Variants in DDX39B observed in about 807,000 individuals in gnomAD.
The protein encoded by DDX39B is DExD-box helicase 39B.
DDX39B carries 6 observed loss-of-function variants against 46.4 expected under a neutral mutation model. The ratio of observed to expected loss-of-function variants is 0.13; its 90% CI spans 0.07 to 0.26. The LOEUF (loss-of-function observed/expected upper bound fraction) is 0.26. Among genes scored for constraint, DDX39B ranks in the 10% least tolerant of loss-of-function variants. DDX39B has a pLI of 1.00. For missense variants in DDX39B, 185 were observed against 553.4 expected (o/e 0.33, Z 6.68); for synonymous variants, 174 against 199.4 (o/e 0.87, Z 1.07).
chr6:31,541,817 T>C, intron 1 of DDX39B, 133 bp downstream of exon 1: 3 of 658,930 alleles, frequency 4.6e-6, no homozygotes, highest in Non-Finnish European at 8.4e-6. Context: ...GGATGCAAGC[T>C]AAGGAAATAG....
chr6:31,541,655 G>A (rs2239526), intron 1 of DDX39B: 370,594 of 490,630 alleles, frequency 0.76, 141,169 homozygotes, highest in East Asian at 0.83. Context: ...GACGCCGAGC[G>A]CCGCCTCTCA....
At chr6:31,538,969 G>T in intron 3 of DDX39B, 114 bp from the exon 4 acceptor site, 1 of 1,466,318 alleles carries the variant, frequency 6.8e-7, no homozygotes, top group Non-Finnish European at 9.6e-7. Context: ...CTTCAATTAT[G>T]TGATCTAAAT....
intron 4 of DDX39B, among the ~76,000 whole-genome samples, chr6:31,538,316 C>T (rs1042901761): frequency 1.3e-4 from 20 of 152,176 alleles, no homozygotes; most frequent in Non-Finnish European, 2.4e-4. Flanking sequence ...CCACCATGCA[C>T]GGCTAATTTT....
intron 3 of DDX39B, 56 bp downstream of exon 3, chr6:31,539,091 C>A: frequency 6.2e-7 from 1 of 1,613,368 alleles, no homozygotes; most frequent in Non-Finnish European, 8.5e-7. Flanking sequence ...GACAAAAACA[C>A]CCTTCCCTTA....
Position 31,530,367 on chromosome 6 carries a change from C to A in DDX39B, c.*67G>T. ...GTCAGGGGTGGGGGCAGTAGTGTCT[C>A]CTTCACCCCCACCCTGGTGTCCTCT... On this transcript the variant is annotated 3_prime_UTR_variant, in exon 11 of 11. Coordinates refer to ENST00000396172, the MANE Select transcript of DDX39B (RefSeq NM_004640.7). This position sits in a 1 kb window ranked among gnomAD's most constrained non-coding sequence, Gnocchi z 4.5. 6.2e-7 allele frequency: 1 copy of A among 1,600,032 alleles called. No individual in the cohort carries two copies.
At position 31,531,422 on chromosome 6, in the gene DDX39B, TGGGGG is replaced by T; in HGVS notation, c.868-22_868-18del. The T allele has an allele frequency of 6.2e-7, 1 of 1,606,744 alleles. No homozygotes were observed. Among genetic ancestry groups the T allele is most frequent in the Non-Finnish European group, 8.5e-7 (1 of 1,175,106 alleles). ...GATCACCACCTGTTGTGGGGTGGGG[TGGGGG>T]GTCGCAAATTGGGGGAATAGGGGTC... On this transcript the variant is annotated intron_variant, in intron 7 of 10. Transcript: ENST00000396172. The surrounding 1 kb of genome is among the most constrained non-coding windows in gnomAD (Gnocchi z 5.8).
At position 31,536,551 on chromosome 6, in the gene DDX39B, G is replaced by A; in HGVS notation, c.565C>T (p.His189Tyr). The A allele has an allele frequency of 6.2e-7, 1 of 1,613,264 alleles. No individual in the cohort carries two copies. Among genetic ancestry groups the A allele is most frequent in the Non-Finnish European group, 8.5e-7 (1 of 1,180,042 alleles). ...TCATCCAAAATAAAGTGTTTAATGTGTTTGAGGTTGAGGCTCTTATTTCGA... is the reference window on the plus strand; with the variant it reads ...TCATCCAAAATAAAGTGTTTAATGTATTTGAGGTTGAGGCTCTTATTTCGA... Reference protein sequence around the residue: ...LARNKSLNLKHIKHFILDECD... With the variant: ...LARNKSLNLKYIKHFILDECD... The change falls in exon 5 of 11, where the codon CAC becomes TAC. Residue 189 changes from histidine to tyrosine, a missense_variant. By Grantham distance (83) the His-to-Tyr change is moderately conservative. Coordinates refer to ENST00000396172, the MANE Select transcript of DDX39B (RefSeq NM_004640.7).
intron 1 of DDX39B, 149 bp from the exon 2 acceptor site, chr6:31,540,813 T>G (rs370413489): frequency 1.3e-5 from 7 of 520,174 alleles, no homozygotes; most frequent in African/African-American, 7.8e-5. Context: ...AAAGCAAATA[T>G]AACAGAACAG....
intron 5 of DDX39B, chr6:31,536,269 A>G (rs111289250): frequency 4.6e-6 from 3 of 652,442 alleles, no homozygotes; most frequent in African/African-American, 3.6e-5. Flanking sequence ...TAAAATTATC[A>G]AAGTCCCCTA....
rs1435927377 is a variant in DDX39B, at chr6:31,540,299, T to G, written c.211+23A>C. 4 of 1,612,474 alleles carry G rather than the reference T, an allele frequency of 2.5e-6. No individual in the cohort carries two copies. The East Asian group carries it at 8.9e-5, about 36-fold the overall frequency. ...TACCCTTAAAGAGCCCAATGAGCACTACATGCCCAAGAGAAAATTTACCTT... is the reference window on the plus strand; with the variant it reads ...TACCCTTAAAGAGCCCAATGAGCACGACATGCCCAAGAGAAAATTTACCTT... On this transcript the variant is annotated intron_variant, in intron 2 of 10. Coordinates refer to ENST00000396172, the MANE Select transcript of DDX39B (RefSeq NM_004640.7).
Position 31,534,994 on chromosome 6 carries a change from C to T in DDX39B, c.735+373G>A, listed in dbSNP as rs887859004. 1.2e-4 allele frequency: 37 copies of T among 298,228 alleles called. No homozygotes were observed. The highest frequency in any genetic ancestry group is 5.2e-5 in the Non-Finnish European group (8 of 153,236). The allele number at this position is 298,228 out of a possible 1,614,324, so 18.5% of individuals were successfully genotyped here. A position where few individuals can be genotyped will look rare whatever the true frequency, so the allele number is the denominator to read the frequency against. The stretch of plus-strand genomic sequence containing the variant: ...GAGCAGAAGGCTCCAGCTGTACGCT[C>T]GATGCCACCTTGAGGGTGCGTGGCT... On this transcript the variant is annotated intron_variant, in intron 6 of 10. Coordinates refer to ENST00000396172, the MANE Select transcript of DDX39B (RefSeq NM_004640.7). This position sits in a 1 kb window ranked among gnomAD's most constrained non-coding sequence, Gnocchi z 5.1.
At position 31,535,489 on chromosome 6, in the gene DDX39B, CAAG is replaced by C. The variant is rs773279301; in HGVS notation, c.617-7_617-5del. The C allele has an allele frequency of 1.2e-5, 20 of 1,606,762 alleles. No individual in the cohort carries two copies. In the East Asian group the frequency reaches 2.0e-4, roughly 16 times the overall value. ...TCCTGGACATCCCGACGCATGTCTA[CAAG>C]AACAAGGAAAAAAATTGTAGGAGAA... On this transcript the variant is annotated splice_polypyrimidine_tract_variant and splice_region_variant and intron_variant, in intron 5 of 10. Coordinates refer to ENST00000396172, the MANE Select transcript of DDX39B (RefSeq NM_004640.7). This position sits in a 1 kb window ranked among gnomAD's most constrained non-coding sequence, Gnocchi z 4.6.
rs746273190 is a variant in DDX39B at position 31,539,283 on chromosome 6, TG to T, written c.212-10del. ...GATGCACTCATGCTGGACTAAAAGT[TG>T]GGGGGGGAGGAAGATAAATTAGACT... is the stretch of plus-strand genomic sequence containing the variant. On this transcript the variant is annotated splice_polypyrimidine_tract_variant and intron_variant, in intron 2 of 10. Transcript: ENST00000396172. The T allele has an allele frequency of 4.9e-5, 78 of 1,606,700 alleles. No homozygotes were observed. The highest frequency in any genetic ancestry group is 2.5e-4 in the East Asian group (11 of 44,706).
chr6:31,540,211 G>A (rs1768251510), intron 2 of DDX39B, 111 bp downstream of exon 2: 3 of 1,236,120 alleles, frequency 2.4e-6, no homozygotes, highest in Non-Finnish European at 3.5e-6. Context: ...ACCTGGCCCT[G>A]ATCTAGCCTT....
chr6:31,534,695 G>A lies in DDX39B; in HGVS notation c.735+672C>T, dbSNP rs990895321. 14 of 354,464 alleles carry A rather than the reference G, an allele frequency of 3.9e-5. No individual in the cohort carries two copies. Among genetic ancestry groups the A allele is most frequent in the Admixed American group, 1.5e-4 (4 of 26,648 alleles). 22.0% of individuals were successfully genotyped at this position (354,464 alleles called of 1,614,324 possible). A position where few individuals can be genotyped will look rare whatever the true frequency, so the allele number is the denominator to read the frequency against. ...CTGGTCAGGTTTCCCCGCGGCCTCC[G>A]CTGCCGCCATCCACCGCTGGGTGCC... On this transcript the variant is annotated intron_variant, in intron 6 of 10. Transcript: ENST00000396172. This position sits in a 1 kb window ranked among gnomAD's most constrained non-coding sequence, Gnocchi z 5.1.
chr6:31,533,594 C>T (rs569425664), intron 6 of DDX39B: 1 of 152,776 alleles, frequency 6.5e-6, no homozygotes, highest in African/African-American at 2.4e-5. Context: ...GGAAAGGTAT[C>T]AGTAAGTGGT....
chr6:31,539,360 C>A, intron 2 of DDX39B, 86 bp from the exon 3 acceptor site: 2 of 1,542,970 alleles, frequency 1.3e-6, no homozygotes. Flanking sequence ...CCATTTCTTA[C>A]CACTCAATTC....
intron 4 of DDX39B, 116 bp from the exon 5 acceptor site, chr6:31,536,799 A>G: frequency 7.5e-7 from 1 of 1,337,426 alleles, no homozygotes; most frequent in Non-Finnish European, 1.0e-6. Context: ...AACTAAAACT[A>G]ACTTTAGAGG....
intron 1 of DDX39B, 25 bp downstream of exon 1, chr6:31,541,925 G>A (rs2150349334): frequency 1.5e-6 from 1 of 645,676 alleles, no homozygotes; most frequent in East Asian, 2.7e-5. Flanking sequence ...GATGGAAACG[G>A]ATTGTAGCGA....
Sources: allele counts gnomAD v4.1 joint callset (sites outside exome capture counted in the v4.1 genomes callset), GRCh38; gene constraint gnomAD v4.1.1; non-coding constraint Gnocchi (gnomAD v3.1); transcripts MANE v1.5; gene names NCBI Gene and HGNC (gene_info 2026-07-23, HGNC 2026-07-21).